The following SEC63 variants were observed in gnomAD, a reference collection of about 807,000 sequenced individuals.
The protein encoded by SEC63 is translocation protein SEC63 homolog.
A neutral mutation model predicts 116.2 loss-of-function variants in SEC63; 56 were observed. The observed-to-expected ratio is 0.48, with a 90% CI of 0.39 to 0.60. The LOEUF (loss-of-function observed/expected upper bound fraction) is 0.60, where lower values mean the gene tolerates loss of function less well. Ranked by LOEUF, SEC63 falls within the 20% of genes least tolerant of loss-of-function variation. The pLI is 0.00. For missense variants in SEC63, 668 were observed against 900.0 expected (o/e 0.74, Z 3.30); for synonymous variants, 273 against 294.6 (o/e 0.93, Z 0.75).
chr6:107,903,726 G>T (rs1277037098), intron 11 of SEC63, among the ~76,000 whole-genome samples: 2 of 152,124 alleles, frequency 1.3e-5, no homozygotes, highest in South Asian at 2.1e-4. Context: ...CATGACATAT[G>T]AATCACTTTT....
At chr6:107,908,685 A>G (rs1787208121) in intron 8 of SEC63, among the ~76,000 whole-genome samples, 1 of 152,252 alleles carries the variant, frequency 6.6e-6, no homozygotes, top group African/African-American at 2.4e-5. Flanking sequence ...CAAAATTTGC[A>G]CGCATAAGGA....
Position 107,901,366 on chromosome 6 carries a change from T to C in SEC63, c.1357+4A>G. The C allele has an allele frequency of 1.2e-6, 2 of 1,612,294 alleles. No individual in the cohort carries two copies. The highest frequency in any genetic ancestry group is 1.1e-5 in the South Asian group (1 of 91,018). On this transcript the variant is annotated splice_donor_region_variant and intron_variant, in intron 13 of 20. Transcript: ENST00000369002. ...AATGCTCAACAGAGAAACCTCCCAC[T>C]TACCCTGTGATTTTATATCCATGGT...
chr6:107,934,338 T>C (rs1285502173), intron 1 of SEC63, among the ~76,000 whole-genome samples: 2 of 143,570 alleles, frequency 1.4e-5, no homozygotes, highest in Non-Finnish European at 3.0e-5. Context: ...CCGGCCGTCA[T>C]CCCATCTAGG....
intron 18 of SEC63, among the ~76,000 whole-genome samples, chr6:107,877,735 C>A (rs1366308880): frequency 6.6e-6 from 1 of 152,154 alleles, no homozygotes; most frequent in Non-Finnish European, 1.5e-5. Context: ...AGTCACCACG[C>A]CTGGCCCATA....
At chr6:107,922,029 G>A in intron 3 of SEC63, 120 bp from the exon 4 acceptor site, 2 of 638,318 alleles carry the variant, frequency 3.1e-6, no homozygotes, top group African/African-American at 3.7e-5. Flanking sequence ...TTTTGAGAAA[G>A]ACAAAATCCA....
chr6:107,899,937 A>G (rs1786959055), intron 13 of SEC63, among the ~76,000 whole-genome samples: 1 of 152,132 alleles, frequency 6.6e-6, no homozygotes. Context: ...TTCACAACAC[A>G]TATGCTACAC....
intron 1 of SEC63, among the ~76,000 whole-genome samples, chr6:107,934,485 T>C (rs868143428): frequency 6.4e-3 from 129 of 20,226 alleles, no homozygotes; most frequent in African/African-American, 8.4e-3. Flanking sequence ...GCCCGGCCGC[T>C]CCATCTGAGA....
chr6:107,921,915 G>GGGC lies in SEC63; in HGVS notation c.340-7_340-6insGCC. The GGGC allele has an allele frequency of 9.1e-7, 1 of 1,104,754 alleles. No individual in the cohort carries two copies. The highest frequency in any genetic ancestry group is 3.3e-5 in the African/African-American group (1 of 30,474). The allele number at this position is 1,104,754 out of a possible 1,614,324, so 68.4% of individuals were successfully genotyped here. ...ATTTCTGCTACTGTGGCTCCCTGGGGAAAAACAAAAAAAAAAAACAAGCTT... is the reference window on the plus strand; with the variant it reads ...ATTTCTGCTACTGTGGCTCCCTGGGGGGCAAAAACAAAAAAAAAAAACAAGCTT... On this transcript the variant is annotated splice_region_variant and splice_polypyrimidine_tract_variant and intron_variant, in intron 3 of 20. Transcript: ENST00000369002.
At chr6:107,934,636 C>T (rs1480362835) in intron 1 of SEC63, among the ~76,000 whole-genome samples, 1 of 143,950 alleles carries the variant, frequency 6.9e-6, no homozygotes, top group Non-Finnish European at 1.5e-5. Flanking sequence ...GGTCAGCCCC[C>T]CGCCAGGCCA....
At chr6:107,931,326 G>C (rs1320494306) in intron 1 of SEC63, among the ~76,000 whole-genome samples, 1 of 150,440 alleles carries the variant, frequency 6.6e-6, no homozygotes, top group Admixed American at 6.6e-5. Context: ...TGGGAAACAA[G>C]AATGAAACTC....
intron 16 of SEC63, among the ~76,000 whole-genome samples, chr6:107,891,779 CCTTT>C (rs1308885906): frequency 6.6e-6 from 1 of 152,106 alleles, no homozygotes; most frequent in African/African-American, 2.4e-5. Flanking sequence ...TGATACTATT[CCTTT>C]CTATTTGTTA....
At chr6:107,894,553 T>C (rs1210202415) in intron 14 of SEC63, among the ~76,000 whole-genome samples, 1 of 151,982 alleles carries the variant, frequency 6.6e-6, no homozygotes, top group Non-Finnish European at 1.5e-5. Context: ...TAAAGCTATA[T>C]CCACCAACCA....
At chr6:107,937,209 A>G (rs1583771133) in intron 1 of SEC63, among the ~76,000 whole-genome samples, 1 of 138,526 alleles carries the variant, frequency 7.2e-6, no homozygotes, top group South Asian at 2.2e-4. Context: ...TGCAACCTCC[A>G]CCTCCCGGGT....
chr6:107,922,340 T>C (rs1787577783), intron 3 of SEC63, among the ~76,000 whole-genome samples: 1 of 152,160 alleles, frequency 6.6e-6, no homozygotes, highest in South Asian at 2.1e-4. Context: ...ACCCCAACTC[T>C]ACTAAAAAAT....
intron 12 of SEC63, among the ~76,000 whole-genome samples, chr6:107,901,747 T>C (rs1787009916): frequency 1.3e-5 from 2 of 152,058 alleles, no homozygotes; most frequent in South Asian, 4.1e-4. Context: ...GCTTATTTTT[T>C]TAAATTAGAA....
intron 10 of SEC63, among the ~76,000 whole-genome samples, chr6:107,905,416 T>C (rs1385209536): frequency 1.3e-5 from 2 of 152,220 alleles, no homozygotes; most frequent in Non-Finnish European, 2.9e-5. Flanking sequence ...AGCATTTAAC[T>C]GCATTACTGC....
At chr6:107,952,009 T>C (rs541217583) in intron 1 of SEC63, among the ~76,000 whole-genome samples, 1 of 151,564 alleles carries the variant, frequency 6.6e-6, no homozygotes, top group Non-Finnish European at 1.5e-5. Context: ...GTGATTCTAA[T>C]GTGTAGCCAG....
intron 2 of SEC63, 27 bp downstream of exon 2, chr6:107,929,388 G>GT: frequency 2.5e-6 from 3 of 1,222,400 alleles, no homozygotes; most frequent in Non-Finnish European, 3.6e-6. Context: ...CATTAAGTAG[G>GT]TTTTTTTCTT....
Position 107,881,304 on chromosome 6 carries a change from T to G in SEC63, c.1834-54A>C. The G allele has an allele frequency of 2.4e-6, 3 of 1,239,274 alleles. No individual in the cohort carries two copies. The South Asian group carries it at 3.7e-5, about 15-fold the overall frequency. 76.8% of individuals were successfully genotyped at this position (1,239,274 alleles called of 1,614,324 possible). A position where few individuals can be genotyped will look rare whatever the true frequency, so the allele number is the denominator to read the frequency against. The stretch of plus-strand genomic sequence containing the variant: ...AAATCTAGTATGTGTTTTATCACTT[T>G]AAGGATTTCCAGGTATTATTCCTGA... On this transcript the variant is annotated intron_variant, in intron 17 of 20. Transcript: ENST00000369002.
Sources: gnomAD v4.1 joint callset for allele counts (sites outside exome capture counted in the v4.1 genomes callset) on GRCh38, gnomAD v4.1.1 for gene constraint, MANE v1.5 for transcripts, NCBI Gene and HGNC (gene_info 2026-07-23, HGNC 2026-07-21) for gene names.